PLB1: variants seen among roughly 807,000 people sequenced by gnomAD.
PLB1 encodes the protein phospholipase B1, also known as phospholipase B1, membrane-associated.
Under a neutral mutation model 227.4 loss-of-function variants are expected in PLB1, and 242 were observed. The ratio of observed to expected loss-of-function variants is 1.06; its 90% CI spans 0.96 to 1.18. The LOEUF (loss-of-function observed/expected upper bound fraction) is 1.18. PLB1 is among the 50% of genes most tolerant of loss of function. The probability of loss-of-function intolerance (pLI) is 0.00; values close to 1 mark genes in which losing one functional copy is unlikely to be tolerated. For missense variants in PLB1, 1,858 were observed against 1,816.3 expected (o/e 1.02, Z -0.42); for synonymous variants, 757 against 682.2 (o/e 1.11, Z -1.71).
intron 56 of PLB1, among the ~76,000 whole-genome samples, chr2:28,638,108 A>G (rs1283229461): frequency 6.6e-6 from 1 of 151,992 alleles, no homozygotes; most frequent in East Asian, 1.9e-4. Flanking sequence ...CAGTGAAAAG[A>G]TGACTGCTAC....
chr2:28,518,498 A>G lies in PLB1; in HGVS notation c.150A>G (p.Pro50=). The part of the protein sequence containing the change: ...TLKNSPFPCN[P]NKLGVNMPSK... ...AGAATTCTCCATTCCCATGCAACCC[A>G]AATAAATTAGGAGTGAATATGCCTT... is the stretch of plus-strand genomic sequence containing the variant. Residue 50 remains proline, a synonymous_variant, in exon 3 of 58, where the codon CCA becomes CCG. Transcript: ENST00000327757. 6.2e-7 allele frequency: 1 copy of G among 1,613,394 alleles called. No homozygotes were observed. The highest frequency in any genetic ancestry group is 8.5e-7 in the Non-Finnish European group (1 of 1,179,320).
chr2:28,500,059 G>A (rs752507096), intron 1 of PLB1, among the ~76,000 whole-genome samples: 7 of 152,252 alleles, frequency 4.6e-5, no homozygotes, highest in Non-Finnish European at 7.3e-5. Flanking sequence ...TATTTATTGA[G>A]ATGATTGTGT....
intron 20 of PLB1, among the ~76,000 whole-genome samples, chr2:28,569,979 AGAAAG>A (rs147387738): frequency 0.46 from 59,661 of 130,530 alleles, 16,846 homozygotes; most frequent in Non-Finnish European, 0.61. Context: ...AAAAAAAAAA[AGAAAG>A]AAAAAAGAAA....
intron 55 of PLB1, 97 bp downstream of exon 55, chr2:28,632,237 C>A: frequency 4.7e-6 from 4 of 842,202 alleles, no homozygotes; most frequent in Non-Finnish European, 5.5e-6. Context: ...TTTTTTTTAA[C>A]CATCTCTCTC....
chr2:28,530,127 GA>G (rs1176755791), intron 8 of PLB1, among the ~76,000 whole-genome samples: 1 of 152,124 alleles, frequency 6.6e-6, no homozygotes, highest in East Asian at 1.9e-4. Flanking sequence ...CTAAAGTGCT[GA>G]AATTACAGGA....
intron 41 of PLB1, among the ~76,000 whole-genome samples, chr2:28,605,185 C>A (rs34867080): frequency 0.07 from 10,719 of 152,248 alleles, 527 homozygotes; most frequent in Non-Finnish European, 0.11. Context: ...GTGTGCAACG[C>A]TGCGGTTATA....
rs536719944 is a variant in PLB1, at chr2:28,507,225, G to C, written c.56-9583G>C. Among the ~76,000 whole-genome samples, 123 of 152,276 alleles carry C rather than the reference G, an allele frequency of 8.1e-4. 2 individuals carry two copies. The highest frequency in any genetic ancestry group is 2.8e-3 in the African/African-American group (117 of 41,560). ...TGTCTTCTACAGGTTGCTCCTTCCTGGCTCTGGGTTGGCCTCAGCTGTCCC... is the reference window on the plus strand; with the variant it reads ...TGTCTTCTACAGGTTGCTCCTTCCTCGCTCTGGGTTGGCCTCAGCTGTCCC... On this transcript the variant is annotated intron_variant, in intron 1 of 57. Coordinates refer to ENST00000327757, the MANE Select transcript of PLB1 (RefSeq NM_153021.5).
intron 20 of PLB1, among the ~76,000 whole-genome samples, chr2:28,570,154 A>C (rs865934177): frequency 6.6e-6 from 1 of 152,204 alleles, no homozygotes; most frequent in African/African-American, 2.4e-5. Context: ...CAGAAGAGGA[A>C]GGAATGCTTC....
chr2:28,582,366 A>T, intron 24 of PLB1, 39 bp from the exon 25 acceptor site: 1 of 1,574,276 alleles, frequency 6.4e-7, no homozygotes, highest in Non-Finnish European at 8.7e-7. Context: ...AAGGCTGCCC[A>T]GCCTCATCCT....
intron 1 of PLB1, among the ~76,000 whole-genome samples, chr2:28,503,757 G>C (rs1667353271): frequency 6.6e-6 from 1 of 152,132 alleles, no homozygotes; most frequent in Non-Finnish European, 1.5e-5. Flanking sequence ...GGTCCCAAAA[G>C]AGCACAAATA....
At position 28,607,319 on chromosome 2, in the gene PLB1, C is replaced by T. The variant is rs948506810; in HGVS notation, c.3129+752C>T. On this transcript the variant is annotated intron_variant, in intron 43 of 57. Coordinates refer to ENST00000327757, the MANE Select transcript of PLB1 (RefSeq NM_153021.5). Reference sequence around the variant, plus strand: ...GGGTTTCCCTCCTAGGTCGGCCACACCACCCTCTCCCACCCTCCCTGCTGG... The same window carrying T: ...GGGTTTCCCTCCTAGGTCGGCCACATCACCCTCTCCCACCCTCCCTGCTGG... Among the ~76,000 whole-genome samples, 5 of 152,198 alleles carry T rather than the reference C, an allele frequency of 3.3e-5. No individual in the cohort carries two copies. In the South Asian group the frequency reaches 6.2e-4, roughly 19 times the overall value.
chr2:28,581,503 A>AAAT (rs1275128835), intron 23 of PLB1, among the ~76,000 whole-genome samples: 1 of 131,358 alleles, frequency 7.6e-6, no homozygotes, highest in Admixed American at 7.3e-5. Flanking sequence ...ATAAATAAAT[A>AAAT]AATAAATAAA....
chr2:28,578,873 C>T (rs1679447110), intron 22 of PLB1, among the ~76,000 whole-genome samples: 1 of 152,146 alleles, frequency 6.6e-6, no homozygotes, highest in South Asian at 2.1e-4. Flanking sequence ...TCACCTTCCT[C>T]CTTCCACGCT....
Position 28,600,232 on chromosome 2 carries a change from A to G in PLB1, c.2475-577A>G, listed in dbSNP as rs1374609286. ...CCACCTTCCATAAATTATAAACCCA[A>G]GCATGTGTAGAGCACATATGATTCC... On this transcript the variant is annotated intron_variant, in intron 35 of 57. Transcript: ENST00000327757. Among the ~76,000 whole-genome samples, 5 of 152,222 alleles carry G rather than the reference A, an allele frequency of 3.3e-5. No homozygotes were observed. The East Asian group carries it at 9.6e-4, about 29-fold the overall frequency.
chr2:28,592,303 A>G (rs984798630), intron 31 of PLB1, among the ~76,000 whole-genome samples: 1 of 152,120 alleles, frequency 6.6e-6, no homozygotes, highest in East Asian at 1.9e-4. Flanking sequence ...CACTCAGGCC[A>G]TGGCTGTCAT....
At chr2:28,532,604 T>C (rs1442581352) in intron 9 of PLB1, among the ~76,000 whole-genome samples, 1 of 152,114 alleles carries the variant, frequency 6.6e-6, no homozygotes, top group Admixed American at 6.5e-5. Flanking sequence ...GAAAAGGAAA[T>C]AGAGGCATAG....
chr2:28,507,663 T>C (rs1667783016), intron 1 of PLB1, among the ~76,000 whole-genome samples: 1 of 152,192 alleles, frequency 6.6e-6, no homozygotes. Flanking sequence ...CATCCCCTTG[T>C]CTGAGGCCAA....
chr2:28,598,567 T>TG, intron 34 of PLB1, 85 bp from the exon 35 acceptor site: 1 of 1,047,582 alleles, frequency 9.5e-7, no homozygotes. Context: ...CAGCCCACTT[T>TG]GGGGACCTAG....
chr2:28,619,621 G>A (rs1258981599), intron 46 of PLB1, among the ~76,000 whole-genome samples: 1 of 150,836 alleles, frequency 6.6e-6, no homozygotes, highest in African/African-American at 2.4e-5. Flanking sequence ...GGAAATGTAA[G>A]CTGCTGGAAA....
Sources: gnomAD v4.1 joint callset for allele counts (sites outside exome capture counted in the v4.1 genomes callset) on GRCh38, gnomAD v4.1.1 for gene constraint, MANE v1.5 for transcripts, NCBI Gene and HGNC (gene_info 2026-07-23, HGNC 2026-07-21) for gene names.